The following UNC13C variants were observed in gnomAD, a reference collection of about 807,000 sequenced individuals.
UNC13C encodes the protein unc-13 homolog C.
In UNC13C, 174 loss-of-function variants were observed where a neutral mutation model predicts 245.4. The ratio of observed to expected loss-of-function variants is 0.71; its 90% CI spans 0.63 to 0.80. The LOEUF (loss-of-function observed/expected upper bound fraction) is 0.80, where lower values mean the gene tolerates loss of function less well. Among genes scored for constraint, UNC13C ranks in the 30% least tolerant of loss-of-function variants. The pLI, the probability that UNC13C is intolerant of heterozygous loss-of-function variation, is 0.00. For synonymous variants in UNC13C, 992 were observed against 895.1 expected (o/e 1.11, Z -1.93); for missense variants, 2,829 against 2,602.9 (o/e 1.09, Z -1.89).
chr15:53,994,181 C>A (rs190511426), intron 1 of UNC13C, among the ~76,000 whole-genome samples: 1 of 119,464 alleles, frequency 8.4e-6, no homozygotes, highest in African/African-American at 3.8e-5. Flanking sequence ...AATTTGGTAT[C>A]CCACAATAAG....
At chr15:54,251,432 C>T (rs78296895) in intron 8 of UNC13C, among the ~76,000 whole-genome samples, 4,610 of 152,246 alleles carry the variant, frequency 0.03, 86 homozygotes, top group African/African-American at 0.036. Flanking sequence ...GCCTGGCACA[C>T]GGTAGATGCT....
chr15:54,433,348 A>G (rs931724180), intron 19 of UNC13C, among the ~76,000 whole-genome samples: 1 of 152,172 alleles, frequency 6.6e-6, no homozygotes, highest in Non-Finnish European at 1.5e-5. Context: ...AGTACTGGCA[A>G]ACCAAATCCA....
chr15:54,194,404 A>C (rs2034286022), intron 4 of UNC13C, among the ~76,000 whole-genome samples: 1 of 152,118 alleles, frequency 6.6e-6, no homozygotes, highest in Non-Finnish European at 1.5e-5. Context: ...TTATTCTTCA[A>C]AGTTCTTGGA....
intron 17 of UNC13C, among the ~76,000 whole-genome samples, chr15:54,366,447 T>A (rs2039367659): frequency 1.3e-5 from 2 of 152,186 alleles, no homozygotes; most frequent in South Asian, 4.1e-4. Context: ...CTGAAAACAT[T>A]TTACTGTATT....
the UNC13C span, among the ~76,000 whole-genome samples, chr15:53,876,204 G>A: frequency 6.6e-6 from 1 of 152,062 alleles, no homozygotes; most frequent in Non-Finnish European, 1.5e-5. Context: ...AGATATTTTG[G>A]CAGAATGTGG....
intron 8 of UNC13C, among the ~76,000 whole-genome samples, chr15:54,251,990 G>T (rs1596086200): frequency 6.6e-6 from 1 of 152,110 alleles, no homozygotes; most frequent in African/African-American, 2.4e-5. Flanking sequence ...AAGAAGTATA[G>T]TTAAGAATAA....
rs372157757 is a variant in UNC13C at position 54,332,099 on chromosome 15, G to A, written c.4482G>A (p.Leu1494=). 35 of 1,575,244 alleles carry A rather than the reference G, an allele frequency of 2.2e-5. No homozygotes were observed. The highest frequency in any genetic ancestry group is 1.7e-4 in the Middle Eastern group (1 of 5,992). ...TACATAACTCTTTGAGGATTGATCT[G>A]TCAAAGTATAGGGTATGTACAAATT... The part of the protein sequence containing the change: ...DQLHNSLRID[L]SKYRENFPAS... Residue 1494 remains leucine (L), a synonymous_variant, in exon 15 of 33, where the codon CTG becomes CTA. Transcript: ENST00000260323.
intron 4 of UNC13C, among the ~76,000 whole-genome samples, chr15:54,188,952 T>G (rs931958944): frequency 1.3e-5 from 2 of 152,160 alleles, no homozygotes; most frequent in African/African-American, 4.8e-5. Context: ...AAACAATGCG[T>G]ATGCTTACAT....
intron 29 of UNC13C, among the ~76,000 whole-genome samples, chr15:54,561,766 T>C (rs190500530): frequency 4.5e-4 from 69 of 152,132 alleles, no homozygotes; most frequent in Non-Finnish European, 1.3e-4. Flanking sequence ...CTTAAGGAAA[T>C]GCACAAATTA....
chr15:54,047,977 G>A (rs1184680856), intron 2 of UNC13C, among the ~76,000 whole-genome samples: 1 of 152,000 alleles, frequency 6.6e-6, no homozygotes, highest in African/African-American at 2.4e-5. Flanking sequence ...GCTAATTATT[G>A]GTTTAGAAAA....
intron 2 of UNC13C, among the ~76,000 whole-genome samples, chr15:54,066,758 T>C (rs1286202819): frequency 6.6e-6 from 1 of 152,132 alleles, no homozygotes; most frequent in Non-Finnish European, 1.5e-5. Context: ...CTACAGTATT[T>C]GGGCACTGAA....
intron 17 of UNC13C, among the ~76,000 whole-genome samples, chr15:54,359,431 T>G (rs2039177162): frequency 6.6e-6 from 1 of 151,988 alleles, no homozygotes; most frequent in Non-Finnish European, 1.5e-5. Flanking sequence ...TAATTCAATA[T>G]TATTGGCAAA....
At chr15:54,145,663 T>A (rs571484134) in intron 4 of UNC13C, among the ~76,000 whole-genome samples, 2 of 152,296 alleles carry the variant, frequency 1.3e-5, no homozygotes, top group South Asian at 4.1e-4. Context: ...TAGGAAATAA[T>A]TAAGTTGAAT....
chr15:53,997,578 G>T (rs2616918), intron 1 of UNC13C, among the ~76,000 whole-genome samples: 4,769 of 152,080 alleles, frequency 0.031, 268 homozygotes, highest in African/African-American at 0.11. Context: ...TACTTTTCTT[G>T]TGTTTATAAA....
chr15:54,162,579 C>T (rs1255889019), intron 4 of UNC13C, among the ~76,000 whole-genome samples: 1 of 152,198 alleles, frequency 6.6e-6, no homozygotes, highest in Non-Finnish European at 1.5e-5. Flanking sequence ...CCTGCTTTTA[C>T]ATTAATTTAG....
chr15:54,300,078 C>A, intron 12 of UNC13C, 132 bp from the exon 13 acceptor site: 1 of 771,674 alleles, frequency 1.3e-6, no homozygotes, highest in Non-Finnish European at 2.0e-6. Context: ...TCAAGATATT[C>A]CTATTGCTTG....
chr15:53,905,132 C>A, the UNC13C span, among the ~76,000 whole-genome samples: 3 of 152,026 alleles, frequency 2.0e-5, no homozygotes, highest in East Asian at 5.8e-4. Context: ...GTAACTATCA[C>A]GGAAAACAGT....
intron 30 of UNC13C, among the ~76,000 whole-genome samples, chr15:54,605,336 G>C (rs1240506489): frequency 3.9e-5 from 6 of 151,962 alleles, no homozygotes; most frequent in Admixed American, 3.9e-4. Context: ...CAGTCTTAAT[G>C]AGGTGCTCTT....
intron 4 of UNC13C, among the ~76,000 whole-genome samples, chr15:54,225,451 G>A (rs1379354791): frequency 6.6e-6 from 1 of 152,210 alleles, no homozygotes; most frequent in Non-Finnish European, 1.5e-5. Context: ...AGCATGGAAT[G>A]TTGTTCCATT....
Sources: allele counts gnomAD v4.1 joint callset (sites outside exome capture counted in the v4.1 genomes callset), GRCh38; gene constraint gnomAD v4.1.1; transcripts MANE v1.5; gene names NCBI Gene and HGNC (gene_info 2026-07-23, HGNC 2026-07-21).